ERAP2: variants seen among roughly 807,000 people sequenced by gnomAD.
ERAP2 encodes the protein leukocyte-derived arginine aminopeptidase.
A neutral mutation model predicts 111.1 loss-of-function variants in ERAP2; 118 were observed. The ratio of observed to expected loss-of-function variants is 1.06; its 90% CI spans 0.92 to 1.24. The LOEUF (loss-of-function observed/expected upper bound fraction) is 1.24, where lower values mean the gene tolerates loss of function less well. ERAP2 is among the 50% of genes most tolerant of loss of function. The pLI, the probability that ERAP2 is intolerant of heterozygous loss-of-function variation, is 0.00. For synonymous variants in ERAP2, 410 were observed against 401.2 expected (o/e 1.02, Z -0.26); for missense variants, 1,131 against 1,125.8 (o/e 1.00, Z -0.07).
chr5:96,883,214 G>C (rs1167345892), intron 2 of ERAP2, among the ~76,000 whole-genome samples: 1 of 152,126 alleles, frequency 6.6e-6, no homozygotes, highest in African/African-American at 2.4e-5. Context: ...TGGGAATCAG[G>C]CTGATGCTGG....
intron 3 of ERAP2, 66 bp downstream of exon 3, chr5:96,883,996 T>C (rs1476769925): frequency 2.1e-6 from 3 of 1,450,718 alleles, no homozygotes; most frequent in African/African-American, 1.4e-5. Context: ...CGTTTGTTTT[T>C]TAAAATTGCT....
Position 96,900,425 on chromosome 5 carries a change from G to A in ERAP2, c.1572+236G>A, listed in dbSNP as rs115267531. Among the ~76,000 whole-genome samples, 1,208 of 152,234 alleles carry A rather than the reference G, an allele frequency of 7.9e-3. 17 individuals are homozygous for A. The highest frequency in any genetic ancestry group is 0.027 in the African/African-American group (1,122 of 41,536). On this transcript the variant is annotated intron_variant, in intron 10 of 18. Transcript: ENST00000437043. ...CGGCTTTCCCACAACCCCACTGCTA[G>A]CTAAAAATATCTCAGCGCAAAATGT...
intron 6 of ERAP2, among the ~76,000 whole-genome samples, chr5:96,894,532 T>C (rs1264006741): frequency 1.3e-5 from 2 of 152,130 alleles, no homozygotes; most frequent in Non-Finnish European, 2.9e-5. Flanking sequence ...GCATATAGAC[T>C]AAATAAATAA....
At chr5:96,903,688 A>T (rs553337563) in intron 13 of ERAP2, 128 bp downstream of exon 13, 1 of 804,434 alleles carries the variant, frequency 1.2e-6, no homozygotes, top group East Asian at 2.7e-5. Flanking sequence ...TCAAACAGTG[A>T]TCACTAGGCC....
At chr5:96,896,965 T>TAAGTCATACGTTGGGTAACGATAGACTG in intron 9 of ERAP2, 102 bp downstream of exon 9, 1 of 987,684 alleles carries the variant, frequency 1.0e-6, no homozygotes. Flanking sequence ...GTCAACCATA[T>TAAGTCATACGTTGGGTAACGATAGACTG]TTATTCTGCT....
chr5:96,891,023 G>A (rs1784292487), intron 5 of ERAP2, among the ~76,000 whole-genome samples: 1 of 152,120 alleles, frequency 6.6e-6, no homozygotes, highest in African/African-American at 2.4e-5. Context: ...AATCATCAAT[G>A]CGATTTAGAA....
chr5:96,911,948 G>A (rs1490760653), intron 15 of ERAP2, among the ~76,000 whole-genome samples: 3 of 150,952 alleles, frequency 2.0e-5, no homozygotes, highest in South Asian at 2.1e-4. Flanking sequence ...CCAGCACTTT[G>A]GGAGGCTGAG....
intron 1 of ERAP2, 123 bp from the exon 2 acceptor site, chr5:96,879,441 T>C (rs868350417): frequency 2.4e-6 from 1 of 422,050 alleles, no homozygotes; most frequent in African/African-American, 2.0e-5. Context: ...TTGTGGATAC[T>C]TGGCCTAATT....
intron 15 of ERAP2, among the ~76,000 whole-genome samples, chr5:96,911,885 A>AAAAAAAAAAAG (rs1786792957): frequency 6.8e-6 from 1 of 146,168 alleles, no homozygotes; most frequent in African/African-American, 2.5e-5. Flanking sequence ...AAAAAAAGAA[A>AAAAAAAAAAAG]GAAAGAAAGA....
chr5:96,883,034 A>G (rs569795783), intron 2 of ERAP2, among the ~76,000 whole-genome samples: 2 of 152,288 alleles, frequency 1.3e-5, no homozygotes, highest in East Asian at 1.9e-4. Context: ...GTATATATCT[A>G]TTATACCTGT....
intron 6 of ERAP2, 37 bp from the exon 7 acceptor site, chr5:96,895,205 ATTTG>A: frequency 8.2e-7 from 1 of 1,223,734 alleles, no homozygotes; most frequent in Non-Finnish European, 1.2e-6. Context: ...AATAATTTTT[ATTTG>A]TTTAACTTCT....
At chr5:96,890,606 T>C (rs1332712829) in intron 5 of ERAP2, among the ~76,000 whole-genome samples, 6 of 152,342 alleles carry the variant, frequency 3.9e-5, no homozygotes, top group Admixed American at 1.3e-4. Context: ...CCTTTGGAAT[T>C]TAGGATATAC....
chr5:96,909,918 G>A, intron 15 of ERAP2, 154 bp downstream of exon 15: 1 of 668,818 alleles, frequency 1.5e-6, no homozygotes, highest in South Asian at 2.0e-5. Flanking sequence ...CACATTGTAA[G>A]TGCTATGTAT....
Position 96,903,507 on chromosome 5 carries a change from T to C in ERAP2, c.1959T>C (p.Leu653=). ...CACAGCTGAATCAGAACCACACACT[T>C]CTCAGACCTAAGGACAGAGTAGGTC... ...LITQLNQNHT[L]LRPKDRVGLI... Residue 653 remains leucine, a synonymous_variant, in exon 13 of 19, where the codon CTT becomes CTC. Coordinates refer to ENST00000437043, the MANE Select transcript of ERAP2 (RefSeq NM_022350.5). 1.9e-6 allele frequency: 3 copies of C among 1,613,902 alleles called. No homozygotes were observed. Among genetic ancestry groups the C allele is most frequent in the Non-Finnish European group, 2.5e-6 (3 of 1,179,894 alleles).
Position 96,903,420 on chromosome 5 carries a change from T to C in ERAP2, c.1872T>C (p.Asn624=). The part of the protein sequence containing the change: ...LPEKTSWVKF[N]VDSNGYYIVH... ...AAAAGACCAGTTGGGTGAAATTTAA[T>C]GTGGACTCAAATGGTTACTACATCG... is the stretch of plus-strand genomic sequence containing the variant. The change falls in exon 13 of 19, where the codon AAT becomes AAC. Residue 624 remains asparagine (N), a synonymous_variant. Coordinates refer to ENST00000437043, the MANE Select transcript of ERAP2 (RefSeq NM_022350.5). The C allele has an allele frequency of 6.2e-7, 1 of 1,613,780 alleles. No individual in the cohort carries two copies. Among genetic ancestry groups the C allele is most frequent in the Non-Finnish European group, 8.5e-7 (1 of 1,179,852 alleles).
intron 5 of ERAP2, among the ~76,000 whole-genome samples, chr5:96,890,530 A>C (rs1219330785): frequency 2.0e-5 from 3 of 152,222 alleles, no homozygotes; most frequent in African/African-American, 7.2e-5. Context: ...ATAAAAACTG[A>C]AGAAAGTTTC....
chr5:96,900,825 C>T (rs778613981), intron 10 of ERAP2, among the ~76,000 whole-genome samples: 2 of 152,108 alleles, frequency 1.3e-5, no homozygotes, highest in Non-Finnish European at 2.9e-5. Context: ...TACAGGCACA[C>T]ACCACCATGC....
chr5:96,893,285 G>A (rs752599309), intron 6 of ERAP2, among the ~76,000 whole-genome samples: 3 of 152,122 alleles, frequency 2.0e-5, no homozygotes, highest in Non-Finnish European at 2.9e-5. Context: ...TTCACCAAGT[G>A]GGCAAATATC....
intron 9 of ERAP2, among the ~76,000 whole-genome samples, chr5:96,897,752 A>G (rs1044380950): frequency 6.6e-6 from 1 of 152,230 alleles, no homozygotes; most frequent in African/African-American, 2.4e-5. Flanking sequence ...ATAATTTTTT[A>G]TAGAACCATT....
Sources: allele counts gnomAD v4.1 joint callset (sites outside exome capture counted in the v4.1 genomes callset), GRCh38; gene constraint gnomAD v4.1.1; transcripts MANE v1.5; gene names NCBI Gene and HGNC (gene_info 2026-07-23, HGNC 2026-07-21).